The following MED13L variants were observed in gnomAD, a reference collection of about 807,000 sequenced individuals.
The protein encoded by MED13L is mediator of RNA polymerase II transcription subunit 13-like.
In MED13L, 7 loss-of-function variants were observed where a neutral mutation model predicts 220.9. The observed-to-expected ratio is 0.03, with a 90% confidence interval of 0.02 to 0.06. MED13L has a LOEUF of 0.06. MED13L is among the 10% of genes least tolerant of loss of function. The pLI is 1.00. For synonymous variants in MED13L, 1,011 were observed against 1,015.2 expected, an observed-to-expected ratio of 1.00 and a Z score of 0.08; for missense variants, 1,965 against 2,760.5, an observed-to-expected ratio of 0.71 and a Z score of 6.46.
intron 2 of MED13L, among the ~76,000 whole-genome samples, chr12:116,152,960 A>T (rs1878162746): frequency 2.0e-5 from 3 of 152,166 alleles, no homozygotes; most frequent in Admixed American, 2.0e-4. Flanking sequence ...AAAAAAAAAA[A>T]TTCCGAGTCT....
chr12:115,986,977 A>G, intron 18 of MED13L, 132 bp downstream of exon 18: 2 of 954,468 alleles, frequency 2.1e-6, no homozygotes, highest in South Asian at 3.5e-5. Context: ...CAAAGAGATT[A>G]TAAAACTAAA....
rs140734998 is a variant in MED13L at position 116,090,770 on chromosome 12, A to C, written c.479+5899T>G. 1.5e-4 allele frequency among the ~76,000 whole-genome samples: 23 copies of C among 152,336 alleles called. No homozygotes were observed. In the East Asian group the frequency reaches 4.0e-3, roughly 27 times the overall value. On this transcript the variant is annotated intron_variant, in intron 4 of 30. Transcript: ENST00000281928. ...GTTTTGAGCTTAGTTTCAGTTATTT[A>C]GCAGGAATTTAAAAAGGAATTACAA...
chr12:116,021,619 T>C (rs1002153403), intron 5 of MED13L, among the ~76,000 whole-genome samples: 1 of 152,286 alleles, frequency 6.6e-6, no homozygotes, highest in African/African-American at 2.4e-5. Context: ...TTACAGCAAT[T>C]ATAATATTTT....
chr12:115,958,683 TTTC>T lies in MED13L; in HGVS notation c.*2580_*2582del, dbSNP rs1875568260. 6.6e-6 allele frequency: 1 copy of T among 152,516 alleles called. No individual in the cohort carries two copies. The highest frequency in any genetic ancestry group is 2.1e-4 in the South Asian group (1 of 4,832). 9.4% of individuals were successfully genotyped at this position (152,516 alleles called of 1,614,324 possible). On this transcript the variant is annotated 3_prime_UTR_variant, in exon 31 of 31. Transcript: ENST00000281928. ...TTAAAATGGAGGCCTTTTATTATTG[TTTC>T]TTTTTATCAAAGTCTTTTAGTGTAC...
At chr12:116,109,843 A>G (rs1873923457) in intron 3 of MED13L, among the ~76,000 whole-genome samples, 1 of 152,162 alleles carries the variant, frequency 6.6e-6, no homozygotes, top group Non-Finnish European at 1.5e-5. Flanking sequence ...ACTCCAAAAG[A>G]CAGATTTGGA....
intron 4 of MED13L, among the ~76,000 whole-genome samples, chr12:116,071,195 A>T (rs780666885): frequency 6.6e-6 from 1 of 152,190 alleles, no homozygotes; most frequent in East Asian, 1.9e-4. Context: ...TAGAGAAGAC[A>T]GCAGTTCAAT....
intron 2 of MED13L, among the ~76,000 whole-genome samples, chr12:116,145,342 G>C (rs1877388392): frequency 6.6e-6 from 1 of 152,188 alleles, no homozygotes; most frequent in Admixed American, 6.5e-5. Context: ...AAGCAACCTA[G>C]AACAGGTATT....
At chr12:116,101,339 T>C (rs182789421) in intron 3 of MED13L, among the ~76,000 whole-genome samples, 2 of 152,362 alleles carry the variant, frequency 1.3e-5, no homozygotes, top group East Asian at 3.9e-4. Context: ...CTATGTAACA[T>C]GCTTAAATGT....
intron 1 of MED13L, among the ~76,000 whole-genome samples, chr12:116,266,517 GCT>G (rs1372628587): frequency 6.6e-6 from 1 of 152,138 alleles, no homozygotes; most frequent in Non-Finnish European, 1.5e-5. Context: ...TATAGCTCCC[GCT>G]CTGACTGCCA....
chr12:116,082,739 C>A (rs1224783956), intron 4 of MED13L: 1 of 151,934 alleles, frequency 6.6e-6, no homozygotes, highest in Admixed American at 6.6e-5. Context: ...AAATGGACTA[C>A]CACACTTGTA....
At chr12:116,175,515 C>T (rs1051829745) in intron 2 of MED13L, among the ~76,000 whole-genome samples, 1 of 152,196 alleles carries the variant, frequency 6.6e-6, no homozygotes, top group South Asian at 2.1e-4. Flanking sequence ...GAAGTTTCTA[C>T]TTTTCTAAAT....
chr12:116,250,091 A>C (rs1871400091), intron 1 of MED13L, among the ~76,000 whole-genome samples: 1 of 151,012 alleles, frequency 6.6e-6, no homozygotes, highest in Non-Finnish European at 1.5e-5. Flanking sequence ...AAAACCAGTG[A>C]TAAAAAGGAA....
Position 115,959,196 on chromosome 12 carries a change from G to A in MED13L, c.*2070C>T, listed in dbSNP as rs1042845617. The A allele has an allele frequency of 3.9e-5, 6 of 152,382 alleles. No individual in the cohort carries two copies. Among genetic ancestry groups the A allele is most frequent in the East Asian group, 1.9e-4 (1 of 5,198 alleles). The allele number at this position is 152,382 out of a possible 1,614,324, so 9.4% of individuals were successfully genotyped here. On this transcript the variant is annotated 3_prime_UTR_variant, in exon 31 of 31. Coordinates refer to ENST00000281928, the MANE Select transcript of MED13L (RefSeq NM_015335.5). ...CATTCATTTATTTTTGCACAAAAAC[G>A]TATAAATATGTCACCAGCTTTTCTT...
At chr12:115,988,663 G>C (rs1173913442) in intron 17 of MED13L, among the ~76,000 whole-genome samples, 1 of 152,192 alleles carries the variant, frequency 6.6e-6, no homozygotes, top group Non-Finnish European at 1.5e-5. Flanking sequence ...GTTTTGAAAA[G>C]ACAGCTTAAG....
intron 25 of MED13L, 78 bp from the exon 26 acceptor site, chr12:115,972,314 G>A (rs1023546172): frequency 2.6e-6 from 4 of 1,555,164 alleles, no homozygotes; most frequent in South Asian, 1.1e-5. Flanking sequence ...TAGCAGTTCT[G>A]CCCGGTAATT....
At chr12:116,136,640 T>G (rs552090112) in intron 2 of MED13L, among the ~76,000 whole-genome samples, 1 of 152,272 alleles carries the variant, frequency 6.6e-6, no homozygotes, top group South Asian at 2.1e-4. Flanking sequence ...AGTACCAAAT[T>G]TTTGCTATGA....
At chr12:116,051,644 A>T (rs1040753840) in intron 4 of MED13L, among the ~76,000 whole-genome samples, 1 of 152,242 alleles carries the variant, frequency 6.6e-6, no homozygotes, top group Non-Finnish European at 1.5e-5. Flanking sequence ...CCCAAGTCTG[A>T]ATATGAAATT....
intron 2 of MED13L, among the ~76,000 whole-genome samples, chr12:116,153,455 G>A (rs1024500253): frequency 2.6e-5 from 4 of 152,118 alleles, no homozygotes; most frequent in African/African-American, 9.7e-5. Flanking sequence ...TGCAGAGAAG[G>A]GAGCAGGAAG....
chr12:116,273,197 C>T (rs1206829511), intron 1 of MED13L, among the ~76,000 whole-genome samples: 2 of 151,800 alleles, frequency 1.3e-5, no homozygotes, highest in African/African-American at 2.4e-5. Flanking sequence ...CCAGGTATTC[C>T]GGAGGCTGAG....
Sources: gnomAD v4.1 joint callset for allele counts (sites outside exome capture counted in the v4.1 genomes callset) on GRCh38, gnomAD v4.1.1 for gene constraint, MANE v1.5 for transcripts, NCBI Gene and HGNC (gene_info 2026-07-23, HGNC 2026-07-21) for gene names.